Variants in IQCM observed in about 807,000 individuals in gnomAD.
IQCM encodes IQ domain-containing protein M.
Under a neutral mutation model 57.6 loss-of-function variants are expected in IQCM, and 45 were observed. The ratio of observed to expected loss-of-function variants is 0.78; its 90% CI spans 0.62 to 1.00. The LOEUF (loss-of-function observed/expected upper bound fraction) is 1.00, where lower values mean the gene tolerates loss of function less well. Among genes scored for constraint, IQCM ranks in the 50% least tolerant of loss-of-function variants. The pLI is 0.00. For synonymous variants in IQCM, 148 were observed against 158.9 expected, an observed-to-expected ratio of 0.93 and a Z score of 0.51; for missense variants, 468 against 511.6, an observed-to-expected ratio of 0.91 and a Z score of 0.82.
At chr4:149,633,106 A>G (rs1757422385) in intron 7 of IQCM, among the ~76,000 whole-genome samples, 1 of 137,970 alleles carries the variant, frequency 7.2e-6, no homozygotes, top group South Asian at 2.5e-4. Flanking sequence ...GCTTGCAGTG[A>G]GCCGAGATTG....
At chr4:149,374,505 A>C (rs1182034356) in intron 13 of IQCM, among the ~76,000 whole-genome samples, 2 of 152,064 alleles carry the variant, frequency 1.3e-5, no homozygotes, top group African/African-American at 4.8e-5. Context: ...CACTACTCCA[A>C]AAACATCTTT....
At chr4:149,363,276 C>T (rs1013299796) in intron 13 of IQCM, among the ~76,000 whole-genome samples, 10 of 152,116 alleles carry the variant, frequency 6.6e-5, no homozygotes, top group Admixed American at 2.0e-4. Context: ...AGCAAGACAC[C>T]TTCATCAGGC....
At chr4:149,805,269 G>A (rs1773966938) in intron 2 of IQCM, among the ~76,000 whole-genome samples, 1 of 151,844 alleles carries the variant, frequency 6.6e-6, no homozygotes, top group Admixed American at 6.6e-5. Flanking sequence ...TTTATTTCTT[G>A]GAAATGCTTT....
intron 13 of IQCM, among the ~76,000 whole-genome samples, chr4:149,376,554 T>C (rs1304486028): frequency 1.3e-5 from 2 of 152,138 alleles, no homozygotes; most frequent in Non-Finnish European, 2.9e-5. Context: ...TTGCCAGGGT[T>C]GCCCAGCTGA....
chr4:149,471,598 A>C (rs1739555791), intron 12 of IQCM, among the ~76,000 whole-genome samples: 1 of 152,108 alleles, frequency 6.6e-6, no homozygotes, highest in Non-Finnish European at 1.5e-5. Flanking sequence ...AAAAGAGAGA[A>C]TAATCCTCCC....
intron 12 of IQCM, among the ~76,000 whole-genome samples, chr4:149,512,616 A>G (rs984775346): frequency 1.3e-5 from 2 of 152,188 alleles, no homozygotes; most frequent in Non-Finnish European, 2.9e-5. Flanking sequence ...TAAAACTTAC[A>G]ATTATGAAAT....
chr4:149,377,703 G>A (rs1003320419), intron 13 of IQCM, among the ~76,000 whole-genome samples: 1 of 152,120 alleles, frequency 6.6e-6, no homozygotes, highest in African/African-American at 2.4e-5. Flanking sequence ...TGTCAGTGAT[G>A]TGCTATACTA....
chr4:149,771,071 G>A (rs576684664), intron 2 of IQCM, among the ~76,000 whole-genome samples: 1 of 151,994 alleles, frequency 6.6e-6, no homozygotes, highest in Middle Eastern at 3.4e-3. Flanking sequence ...GTCCTAAATA[G>A]TAAAAGAAAT....
At chr4:149,502,618 G>A (rs1468740326) in intron 12 of IQCM, among the ~76,000 whole-genome samples, 2 of 152,144 alleles carry the variant, frequency 1.3e-5, no homozygotes, top group Admixed American at 1.3e-4. Context: ...AGGCTGCAGT[G>A]AGCCATGCTC....
rs910010301 is a variant in IQCM at position 149,815,362 on chromosome 4, G to C, written c.-86-14C>G. The stretch of plus-strand genomic sequence containing the variant: ...TTGTTCTTCTTCCTAGAAGGCACAG[G>C]AGAGTTCATTGAAAATATGCTCACA... On this transcript the variant is annotated splice_polypyrimidine_tract_variant and intron_variant, in intron 1 of 13. Transcript: ENST00000636793. The C allele has an allele frequency of 2.6e-5, 4 of 151,914 alleles. No individual in the cohort carries two copies. Among genetic ancestry groups the C allele is most frequent in the Admixed American group, 2.0e-4 (3 of 15,216 alleles). The allele number at this position is 151,914 out of a possible 1,614,324, so 9.4% of individuals were successfully genotyped here. A position where few individuals can be genotyped will look rare whatever the true frequency, so the allele number is the denominator to read the frequency against.
At chr4:149,401,425 T>G (rs1359346587) in intron 13 of IQCM, among the ~76,000 whole-genome samples, 4 of 151,862 alleles carry the variant, frequency 2.6e-5, no homozygotes, top group Non-Finnish European at 5.9e-5. Flanking sequence ...GCAATCATTT[T>G]TTCACACAAT....
intron 12 of IQCM, among the ~76,000 whole-genome samples, chr4:149,468,276 C>T (rs187435625): frequency 2.0e-3 from 299 of 152,260 alleles, no homozygotes; most frequent in African/African-American, 5.5e-3. Flanking sequence ...CACGCCCACC[C>T]TAATACTGTG....
At chr4:149,427,843 C>T (rs4835163) in intron 13 of IQCM, among the ~76,000 whole-genome samples, 23,453 of 151,746 alleles carry the variant, frequency 0.15, 2,171 homozygotes, top group South Asian at 0.33. Flanking sequence ...AGGCTGATGG[C>T]AGTGTATAGT....
At chr4:149,537,996 G>T (rs1483536954) in intron 12 of IQCM, among the ~76,000 whole-genome samples, 1 of 149,908 alleles carries the variant, frequency 6.7e-6, no homozygotes, top group Non-Finnish European at 1.5e-5. Flanking sequence ...ATAATGAAGA[G>T]CAAAGGAAAT....
chr4:149,492,980 T>C (rs1742254490), intron 12 of IQCM, among the ~76,000 whole-genome samples: 1 of 152,094 alleles, frequency 6.6e-6, no homozygotes, highest in Admixed American at 6.6e-5. Context: ...GTTCCTGATG[T>C]CCATCTTGTA....
At chr4:149,739,509 A>G (rs1767255518) in intron 3 of IQCM, among the ~76,000 whole-genome samples, 1 of 151,450 alleles carries the variant, frequency 6.6e-6, no homozygotes. Flanking sequence ...CTTCAGAATC[A>G]CAAAGATAAC....
chr4:149,655,424 A>T (rs886864340), intron 7 of IQCM, among the ~76,000 whole-genome samples: 5 of 152,164 alleles, frequency 3.3e-5, no homozygotes, highest in African/African-American at 1.2e-4. Context: ...AGCATGAAAA[A>T]TTTTGTTTAG....
At chr4:149,731,719 G>A in intron 5 of IQCM, among the ~76,000 whole-genome samples, 1 of 151,850 alleles carries the variant, frequency 6.6e-6, no homozygotes, top group African/African-American at 2.4e-5. Flanking sequence ...GTATAATGTG[G>A]AAAAAAAATG....
At chr4:149,508,889 G>T (rs986102259) in intron 12 of IQCM, among the ~76,000 whole-genome samples, 14 of 152,128 alleles carry the variant, frequency 9.2e-5, no homozygotes, top group African/African-American at 3.1e-4. Flanking sequence ...TGAATCGTGG[G>T]GGCAGGTCTT....
Sources: gnomAD v4.1 joint callset for allele counts (sites outside exome capture counted in the v4.1 genomes callset) on GRCh38, gnomAD v4.1.1 for gene constraint, MANE v1.5 for transcripts, NCBI Gene and HGNC (gene_info 2026-07-23, HGNC 2026-07-21) for gene names.